Variants in NEK7 observed in about 807,000 individuals in gnomAD.
NEK7 encodes NIMA related kinase 7, also known as serine/threonine-protein kinase Nek7.
Under a neutral mutation model 44.6 loss-of-function variants are expected in NEK7, and 18 were observed. That is an observed-to-expected ratio of 0.40 (90% CI 0.28 to 0.60). The LOEUF (loss-of-function observed/expected upper bound fraction) is 0.60. Among genes scored for constraint, NEK7 ranks in the 20% least tolerant of loss-of-function variants. The pLI, the probability that NEK7 is intolerant of heterozygous loss-of-function variation, is 0.38. For missense variants in NEK7, 256 were observed against 366.5 expected (o/e 0.70, Z 2.46); for synonymous variants, 130 against 121.1 (o/e 1.07, Z -0.48).
intron 5 of NEK7, among the ~76,000 whole-genome samples, chr1:198,272,008 A>G (rs1441377920): frequency 1.3e-5 from 2 of 150,288 alleles, no homozygotes; most frequent in Non-Finnish European, 3.0e-5. Flanking sequence ...ATCTGTATAA[A>G]TTTATGTCTA....
chr1:198,243,633 G>T (rs1666749203), intron 2 of NEK7, among the ~76,000 whole-genome samples: 2 of 152,018 alleles, frequency 1.3e-5, no homozygotes, highest in African/African-American at 2.4e-5. Context: ...ATATGCCAGG[G>T]TCTTATAAAT....
intron 1 of NEK7, among the ~76,000 whole-genome samples, chr1:198,161,310 G>A (rs958752741): frequency 6.6e-6 from 1 of 152,082 alleles, no homozygotes; most frequent in Non-Finnish European, 1.5e-5. Flanking sequence ...TTTCTCTGAA[G>A]GATCACATGG....
rs565752597 is a variant in NEK7 at position 198,315,446 on chromosome 1, A to G, written c.799-3966A>G. On this transcript the variant is annotated intron_variant, in intron 9 of 9. Transcript: ENST00000367385. ...AGACTGGAGCTGTTCCTATTCGGCC[A>G]TCTTGGCTCCTCCTCCCCATCTATG... 7.2e-5 allele frequency among the ~76,000 whole-genome samples: 11 copies of G among 152,344 alleles called. No individual in the cohort carries two copies. In the South Asian group the frequency reaches 2.3e-3, roughly 32 times the overall value.
intron 2 of NEK7, among the ~76,000 whole-genome samples, chr1:198,252,189 G>A (rs1278936072): frequency 6.6e-6 from 1 of 152,090 alleles, no homozygotes; most frequent in Non-Finnish European, 1.5e-5. Flanking sequence ...GCGGTTTTGA[G>A]TGAGTTTCTT....
intron 1 of NEK7, among the ~76,000 whole-genome samples, chr1:198,189,051 A>G (rs766476190): frequency 3.9e-5 from 6 of 152,184 alleles, no homozygotes; most frequent in Non-Finnish European, 8.8e-5. Context: ...TATTTCAATA[A>G]AATTGTTACT....
At chr1:198,252,552 ATATATATATAT>A in intron 2 of NEK7, among the ~76,000 whole-genome samples, 2 of 61,340 alleles carry the variant, frequency 3.3e-5, no homozygotes, top group Non-Finnish European at 5.1e-5. Context: ...ATATATATAT[ATATATATATAT>A]ATATAAAAAG....
At chr1:198,254,684 T>C (rs957532673) in intron 3 of NEK7, among the ~76,000 whole-genome samples, 14 of 152,306 alleles carry the variant, frequency 9.2e-5, no homozygotes, top group African/African-American at 3.4e-4. Context: ...TTGTTTGTGC[T>C]TAAGAGTGGA....
At chr1:198,215,238 T>G (rs1475093396) in intron 1 of NEK7, among the ~76,000 whole-genome samples, 1 of 152,104 alleles carries the variant, frequency 6.6e-6, no homozygotes, top group Non-Finnish European at 1.5e-5. Flanking sequence ...AAGCATAAAG[T>G]TCACAAGGTT....
chr1:198,205,396 G>A (rs555165077), intron 1 of NEK7, among the ~76,000 whole-genome samples: 1 of 152,234 alleles, frequency 6.6e-6, no homozygotes, highest in Admixed American at 6.5e-5. Flanking sequence ...TCGAAATACA[G>A]AAATGTAGGT....
intron 1 of NEK7, among the ~76,000 whole-genome samples, chr1:198,194,648 CCTT>C (rs1163328658): frequency 2.0e-5 from 3 of 152,128 alleles, no homozygotes; most frequent in East Asian, 1.9e-4. Context: ...GACATAATCT[CCTT>C]CTTTTTTATG....
At chr1:198,244,966 CTA>C (rs1666792731) in intron 2 of NEK7, among the ~76,000 whole-genome samples, 1 of 152,154 alleles carries the variant, frequency 6.6e-6, no homozygotes, top group South Asian at 2.1e-4. Context: ...AAAAGCTTAA[CTA>C]TAAATAGCCT....
At chr1:198,304,357 G>C (rs1252990524) in intron 9 of NEK7, among the ~76,000 whole-genome samples, 1 of 152,118 alleles carries the variant, frequency 6.6e-6, no homozygotes, top group Non-Finnish European at 1.5e-5. Flanking sequence ...TGGTGTACAA[G>C]TTGGATACGC....
At chr1:198,265,007 GTTA>G (rs927424563) in intron 5 of NEK7, among the ~76,000 whole-genome samples, 8 of 151,994 alleles carry the variant, frequency 5.3e-5, no homozygotes, top group African/African-American at 7.2e-5. Context: ...TATTGTTATT[GTTA>G]TTATTTCTCT....
intron 2 of NEK7, among the ~76,000 whole-genome samples, chr1:198,249,197 A>G (rs1428407438): frequency 1.3e-5 from 2 of 151,934 alleles, no homozygotes; most frequent in Admixed American, 1.3e-4. Flanking sequence ...AGTTTCATCC[A>G]TGTCCCTACA....
At chr1:198,277,597 A>G (rs926158001) in intron 5 of NEK7, 9 of 157,136 alleles carry the variant, frequency 5.7e-5, no homozygotes, top group Non-Finnish European at 1.1e-4. Context: ...ATTGTCTTTT[A>G]ATGAACATAA....
chr1:198,177,152 T>C (rs542472991), intron 1 of NEK7, among the ~76,000 whole-genome samples: 1 of 152,284 alleles, frequency 6.6e-6, no homozygotes, highest in African/African-American at 2.4e-5. Flanking sequence ...AATAATTTCC[T>C]TATTATGCTC....
intron 9 of NEK7, among the ~76,000 whole-genome samples, chr1:198,311,321 C>T (rs1033869881): frequency 1.3e-5 from 2 of 152,130 alleles, no homozygotes; most frequent in East Asian, 3.9e-4. Flanking sequence ...TGCTTATCAG[C>T]TTGAGGAGAT....
At chr1:198,264,685 A>C (rs1479631469) in intron 5 of NEK7, among the ~76,000 whole-genome samples, 1 of 152,034 alleles carries the variant, frequency 6.6e-6, no homozygotes, top group Non-Finnish European at 1.5e-5. Flanking sequence ...AAAGTTGTTT[A>C]ACCTTCTTTT....
intron 1 of NEK7, among the ~76,000 whole-genome samples, chr1:198,159,182 G>T (rs1312582401): frequency 6.6e-6 from 1 of 152,194 alleles, no homozygotes; most frequent in African/African-American, 2.4e-5. Context: ...AGGACCTCGC[G>T]TTCGGGAGGG....
Sources: allele counts gnomAD v4.1 joint callset (sites outside exome capture counted in the v4.1 genomes callset), GRCh38; gene constraint gnomAD v4.1.1; transcripts MANE v1.5; gene names NCBI Gene and HGNC (gene_info 2026-07-23, HGNC 2026-07-21).